Variants in WDR33 observed in about 807,000 individuals in gnomAD.
WDR33 encodes pre-mRNA 3' end processing protein WDR33.
In WDR33, 47 loss-of-function variants were observed where a neutral mutation model predicts 164.9. The observed-to-expected ratio is 0.29, with a 90% CI of 0.23 to 0.36. WDR33 has a LOEUF of 0.36. WDR33 is among the 10% of genes least tolerant of loss of function. The pLI is 1.00. For missense variants in WDR33, 1,137 were observed against 1,754.1 expected (o/e 0.65, Z 6.28); for synonymous variants, 505 against 589.0 (o/e 0.86, Z 2.06).
chr2:127,790,128 C>G (rs1000909611), intron 1 of WDR33, among the ~76,000 whole-genome samples: 1 of 152,096 alleles, frequency 6.6e-6, no homozygotes, highest in Non-Finnish European at 1.5e-5. Context: ...TGAGCCACCA[C>G]GCTTGGCCTG....
chr2:127,719,554 G>T lies in WDR33; in HGVS notation c.2471C>A (p.Pro824His). The T allele has an allele frequency of 1.2e-6, 2 of 1,614,058 alleles. No individual in the cohort carries two copies. The highest frequency in any genetic ancestry group is 4.5e-5 in the East Asian group (2 of 44,862). ...CTCCTGAGGACCTCTCATTTCCTGAGGGCCGTGTCCCAGTAGTCCACCTGG... is the reference window on the plus strand; with the variant it reads ...CTCCTGAGGACCTCTCATTTCCTGATGGCCGTGTCCCAGTAGTCCACCTGG... ...HPPGGLLGHG[P>H]QEMRGPQEIR... Residue 824 changes from proline to histidine, a missense_variant, in exon 16 of 22, where the codon CCT becomes CAT. Transcript: ENST00000322313. This position sits in a 1 kb window ranked among gnomAD's most constrained non-coding sequence, Gnocchi z 6.5.
intron 17 of WDR33, among the ~76,000 whole-genome samples, chr2:127,715,088 CTTTTTTTTTTTTTT>C (rs386391178): frequency 9.2e-6 from 1 of 108,580 alleles, no homozygotes; most frequent in Admixed American, 9.9e-5. Context: ...TTCTTTGTTT[CTTTTTTTTTTTTTT>C]TTTTTTTTGA....
At chr2:127,729,544 T>A (rs1001429808) in intron 7 of WDR33, among the ~76,000 whole-genome samples, 2 of 151,244 alleles carry the variant, frequency 1.3e-5, no homozygotes, top group Non-Finnish European at 2.9e-5. Flanking sequence ...CAGGCTGGAG[T>A]GCAGTGGCGC....
Position 127,709,853 on chromosome 2 carries a change from G to C in WDR33, c.3312C>G (p.Phe1104Leu). 1 of 1,613,818 alleles carries C rather than the reference G, an allele frequency of 6.2e-7. No homozygotes were observed. The highest frequency in any genetic ancestry group is 1.3e-5 in the African/African-American group (1 of 74,996). ...CATGCCTCGGCGGGGCTCCTCTTCTGAAACTGTAAAGAGAAAACAGCAGAA... is the reference window on the plus strand; with the variant it reads ...CATGCCTCGGCGGGGCTCCTCTTCTCAAACTGTAAAGAGAAAACAGCAGAA... ...PRFRGRREES[F>L]RRGAPPRHEG... Residue 1104 changes from phenylalanine (F) to leucine (L), a missense_variant, in exon 19 of 22, where the codon TTC becomes TTG. Phe to Leu is a conservative substitution (Grantham distance 22). Around this residue, in one of 9 missense-constraint regions of WDR33, gnomAD observed 867 missense variants for 1,073.0 expected, o/e 0.81. Coordinates refer to ENST00000322313, the MANE Select transcript of WDR33 (RefSeq NM_018383.5). This position sits in a 1 kb window ranked among gnomAD's most constrained non-coding sequence, Gnocchi z 5.0.
Position 127,738,353 on chromosome 2 carries a change from T to G in WDR33, c.725-11576A>C, listed in dbSNP as rs1686915310. On this transcript the variant is annotated intron_variant, in intron 7 of 21. Transcript: ENST00000322313. The surrounding 1 kb of genome is among the most constrained non-coding windows in gnomAD (Gnocchi z 4.4). ...GTCCATACTGATATAAGCAAATAAC[T>G]GAATAAATAAGTGGAGAAGAGTGAA... Among the ~76,000 whole-genome samples, 3 of 152,062 alleles carry G rather than the reference T, an allele frequency of 2.0e-5. No individual in the cohort carries two copies. The highest frequency in any genetic ancestry group is 2.0e-4 in the Admixed American group (3 of 15,260).
At chr2:127,781,943 A>G (rs1408054203) in intron 1 of WDR33, among the ~76,000 whole-genome samples, 1 of 147,680 alleles carries the variant, frequency 6.8e-6, no homozygotes, top group African/African-American at 2.5e-5. Flanking sequence ...GGTTGCGGTG[A>G]GCCAAGATTG....
At position 127,722,000 on chromosome 2, in the gene WDR33, A is replaced by G; in HGVS notation, c.1519-12T>C. The G allele has an allele frequency of 6.2e-7, 1 of 1,608,894 alleles. No individual in the cohort carries two copies. The highest frequency in any genetic ancestry group is 8.5e-7 in the Non-Finnish European group (1 of 1,179,014). On this transcript the variant is annotated splice_polypyrimidine_tract_variant and intron_variant, in intron 14 of 21. Transcript: ENST00000322313. The surrounding 1 kb of genome is among the most constrained non-coding windows in gnomAD (Gnocchi z 4.9). ...TTTTGCATCCAAGCCTTGGGAAAGA[A>G]GAGAATATTAAAATGTACGCTAAGT... is the stretch of plus-strand genomic sequence containing the variant.
At chr2:127,754,289 T>C (rs1290363326) in intron 7 of WDR33, among the ~76,000 whole-genome samples, 1 of 152,170 alleles carries the variant, frequency 6.6e-6, no homozygotes, top group African/African-American at 2.4e-5. Flanking sequence ...AACGTTAATA[T>C]TATCAAATCC....
rs375292143 is a variant in WDR33 at position 127,719,952 on chromosome 2, C to T, written c.2073G>A (p.Gly691=). Residue 691 remains glycine (G), a synonymous_variant, in exon 16 of 22, where the codon GGG becomes GGA. Transcript: ENST00000322313. This position sits in a 1 kb window ranked among gnomAD's most constrained non-coding sequence, Gnocchi z 6.5. ...PGPHGPLGPQ[G]PPGPQGSSGP... is the part of the protein sequence containing the mutation. ...CAGAACTACCTTGTGGTCCAGGTGGCCCTTGAGGTCCCAAAGGGCCATGAG... is the reference window on the plus strand; with the variant it reads ...CAGAACTACCTTGTGGTCCAGGTGGTCCTTGAGGTCCCAAAGGGCCATGAG... The T allele has an allele frequency of 3.7e-6, 6 of 1,613,976 alleles. No homozygotes were observed. Among genetic ancestry groups the T allele is most frequent in the African/African-American group, 1.3e-5 (1 of 75,004 alleles).
rs1686195026 is a variant in WDR33, at chr2:127,712,090, G to A, written c.3308+1493C>T. 6.6e-6 allele frequency among the ~76,000 whole-genome samples: 1 copy of A among 151,510 alleles called. No individual in the cohort carries two copies. The highest frequency in any genetic ancestry group is 2.1e-4 in the South Asian group (1 of 4,814). On this transcript the variant is annotated intron_variant, in intron 18 of 21. Transcript: ENST00000322313. This position sits in a 1 kb window ranked among gnomAD's most constrained non-coding sequence, Gnocchi z 4.0. Reference sequence around the variant, plus strand: ...CCCGGCCTTAACCATCTATTCACAAGAAGAGTAAGAAATGGAATGAAAGGA... The same window carrying A: ...CCCGGCCTTAACCATCTATTCACAAAAAGAGTAAGAAATGGAATGAAAGGA...
At chr2:127,796,932 A>G (rs535917371) in intron 1 of WDR33, among the ~76,000 whole-genome samples, 2 of 152,120 alleles carry the variant, frequency 1.3e-5, no homozygotes, top group East Asian at 3.9e-4. Flanking sequence ...ACCATAATCA[A>G]TCCTCATTAG....
chr2:127,802,666 GTAAA>G (rs1689294875), intron 1 of WDR33, among the ~76,000 whole-genome samples: 1 of 152,084 alleles, frequency 6.6e-6, no homozygotes, highest in Non-Finnish European at 1.5e-5. Context: ...TTTAAACCAT[GTAAA>G]TAACGTATTA....
chr2:127,731,104 G>A (rs992064670), intron 7 of WDR33, among the ~76,000 whole-genome samples: 3 of 151,860 alleles, frequency 2.0e-5, no homozygotes, highest in African/African-American at 7.3e-5. Flanking sequence ...AGACCAGCCT[G>A]GGAAACATAG....
chr2:127,798,337 C>T (rs1430577473), intron 1 of WDR33, among the ~76,000 whole-genome samples: 1 of 123,298 alleles, frequency 8.1e-6, no homozygotes, highest in Non-Finnish European at 1.6e-5. Flanking sequence ...CACTGCACTC[C>T]AGCCTAGGCA....
intron 17 of WDR33, among the ~76,000 whole-genome samples, chr2:127,715,224 TG>T (rs1039971036): frequency 4.6e-5 from 7 of 151,752 alleles, no homozygotes; most frequent in Admixed American, 4.6e-4. Context: ...CCTGAGTAGC[TG>T]GGATTACAGG....
In WDR33 at chr2:127,723,390, T is replaced by A. The variant is rs1032166798; in HGVS notation, c.1197-43A>T. The A allele has an allele frequency of 6.4e-7, 1 of 1,553,822 alleles. No individual in the cohort carries two copies. The highest frequency in any genetic ancestry group is 8.9e-7 in the Non-Finnish European group (1 of 1,129,600). On this transcript the variant is annotated intron_variant, in intron 11 of 21. Transcript: ENST00000322313. This position sits in a 1 kb window ranked among gnomAD's most constrained non-coding sequence, Gnocchi z 5.9. ...GGAGAAAAGAAGCATGGCTTCACTA[T>A]TTTTTTGGGCACTAAACAGTACTAG...
chr2:127,732,587 C>T (rs73958003), intron 7 of WDR33, among the ~76,000 whole-genome samples: 4,116 of 152,238 alleles, frequency 0.027, 204 homozygotes, highest in African/African-American at 0.093. Context: ...ATGGCAACTA[C>T]TTTTGGTGTC....
At position 127,726,680 on chromosome 2, in the gene WDR33, A is replaced by G. The variant is rs772364171; in HGVS notation, c.822T>C (p.Asp274=). 1 of 1,614,184 alleles carries G rather than the reference A, an allele frequency of 6.2e-7. No individual in the cohort carries two copies. The highest frequency in any genetic ancestry group is 1.1e-5 in the South Asian group (1 of 91,078). The change falls in exon 8 of 22, where the codon GAT becomes GAC. Residue 274 remains aspartate (D), a synonymous_variant. Transcript: ENST00000322313. This position sits in a 1 kb window ranked among gnomAD's most constrained non-coding sequence, Gnocchi z 4.8. ...TTGCAAGACTCTGCCCAGTCTTGGG[A>G]TCCCAGAACTTGATTGGCTGTTGAC... ...KDSQQPIKFW[D]PKTGQSLATL... is the part of the protein sequence containing the mutation.
chr2:127,747,110 C>T (rs780163373), intron 7 of WDR33, among the ~76,000 whole-genome samples: 3 of 152,134 alleles, frequency 2.0e-5, no homozygotes, highest in Non-Finnish European at 4.4e-5. Flanking sequence ...GCACTTTAAC[C>T]AAGAGAATAC....
Sources: allele counts gnomAD v4.1 joint callset (sites outside exome capture counted in the v4.1 genomes callset), GRCh38; gene constraint gnomAD v4.1.1; regional missense constraint gnomAD v4.1.1; non-coding constraint Gnocchi (gnomAD v3.1); transcripts MANE v1.5; gene names NCBI Gene and HGNC (gene_info 2026-07-23, HGNC 2026-07-21).